Variants in PCDHB11 observed in about 807,000 individuals in gnomAD.
The protein encoded by PCDHB11 is protocadherin beta 11.
For synonymous variants in PCDHB11, 522 were observed against 442.0 expected (o/e 1.18, Z -2.27); for missense variants, 1,151 against 1,003.4 (o/e 1.15, Z -1.99).
Position 141,202,000 on chromosome 5 carries a change from C to G in PCDHB11, c.2226C>G (p.Thr742=), listed in dbSNP as rs199864160. ...FPGHLVDVSG[T]GTLSQSYQYE... ...GGCATCTGGTGGACGTGAGCGGCAC[C>G]GGGACCCTTTCCCAGAGCTACCAGT... Residue 742 remains threonine, a synonymous_variant, in exon 1 of 1, where the codon ACC becomes ACG. Coordinates refer to ENST00000354757, the MANE Select transcript of PCDHB11 (RefSeq NM_018931.3). 1.2e-6 allele frequency: 2 copies of G among 1,614,136 alleles called. No homozygotes were observed. The highest frequency in any genetic ancestry group is 1.1e-5 in the South Asian group (1 of 91,086).
At position 141,203,714 on chromosome 5, in the gene PCDHB11, GAT is replaced by G. The variant is rs1491085802; in HGVS notation, c.*1547_*1548del. On this transcript the variant is annotated 3_prime_UTR_variant, in exon 1 of 1. Coordinates refer to ENST00000354757, the MANE Select transcript of PCDHB11 (RefSeq NM_018931.3). ...ATATATATATATAGAGAGAGAGAGA[GAT>G]CATGGCTTATAATCCAAACAAAATG... 2 of 151,896 alleles carry G rather than the reference GAT, an allele frequency of 1.3e-5. No individual in the cohort carries two copies. The highest frequency in any genetic ancestry group is 4.2e-4 in the South Asian group (2 of 4,818). The allele number at this position is 151,896 out of a possible 1,614,324, so 9.4% of individuals were successfully genotyped here.
Position 141,200,501 on chromosome 5 carries a change from G to C in PCDHB11, c.727G>C (p.Glu243Gln), listed in dbSNP as rs1554285307. 6 of 1,614,146 alleles carry C rather than the reference G, an allele frequency of 3.7e-6. No individual in the cohort carries two copies. The East Asian group carries it at 1.3e-4, about 36-fold the overall frequency. The change falls in exon 1 of 1, where the codon GAG becomes CAG. Residue 243 changes from glutamate (E) to glutamine (Q), a missense_variant. Glu to Gln is a conservative substitution (Grantham distance 29, BLOSUM62 2). Coordinates refer to ENST00000354757, the MANE Select transcript of PCDHB11 (RefSeq NM_018931.3). ...CATTAATGACAACTCCCCTGAATTT[G>C]AGCAGGCTTTTTATGAGGTGAAGAT... is the stretch of plus-strand genomic sequence containing the variant. ...VDINDNSPEF[E>Q]QAFYEVKIRE...
In PCDHB11 at chr5:141,201,686, C is replaced by T. The variant is rs782180428; in HGVS notation, c.1912C>T (p.His638Tyr). Reference protein sequence around the residue: ...RLLSERDAAKHRLVVLVKDNG... With the variant: ...RLLSERDAAKYRLVVLVKDNG... ...GCTGAGCGAGCGCGACGCGGCCAAG[C>T]ACAGGCTGGTGGTGCTGGTCAAGGA... Residue 638 changes from histidine to tyrosine, a missense_variant, in exon 1 of 1, where the codon CAC becomes TAC. Transcript: ENST00000354757. The T allele has an allele frequency of 1.2e-6, 2 of 1,606,826 alleles. No individual in the cohort carries two copies. The highest frequency in any genetic ancestry group is 1.7e-6 in the Non-Finnish European group (2 of 1,179,564).
chr5:141,201,891 T>C lies in PCDHB11; in HGVS notation c.2117T>C (p.Leu706Pro). 1 of 1,612,814 alleles carries C rather than the reference T, an allele frequency of 6.2e-7. No homozygotes were observed. The highest frequency in any genetic ancestry group is 8.5e-7 in the Non-Finnish European group (1 of 1,179,896). The change falls in exon 1 of 1, where the codon CTC becomes CCC. Residue 706 changes from leucine (L) to proline (P), a missense_variant. Transcript: ENST00000354757. The stretch of plus-strand genomic sequence containing the variant: ...TCTTCGCTCTTCCTCTTCTCGGTGC[T>C]CCTGTTCGTGGCGGTGCGGCTGTGC... ...SVSSLFLFSV[L>P]LFVAVRLCRR...
In PCDHB11 at chr5:141,199,891, G is replaced by C; in HGVS notation, c.117G>C (p.Met39Ile). ...ETWSFSVAEEMQSGSFVGNLA... is the reference protein window; with the variant it reads ...ETWSFSVAEEIQSGSFVGNLA... ...GGAGCTTTTCTGTGGCAGAAGAAAT[G>C]CAGAGCGGGAGTTTTGTAGGCAATC... The change falls in exon 1 of 1, where the codon ATG (methionine) becomes ATC (isoleucine). Residue 39 changes from methionine (M) to isoleucine (I), a missense_variant. By Grantham distance (10) the Met-to-Ile change is conservative. Transcript: ENST00000354757. The C allele has an allele frequency of 6.2e-7, 1 of 1,614,170 alleles. No homozygotes were observed. The highest frequency in any genetic ancestry group is 8.5e-7 in the Non-Finnish European group (1 of 1,180,044).
In PCDHB11 at chr5:141,200,354, T is replaced by G. The variant is rs782552000; in HGVS notation, c.580T>G (p.Leu194Val). The G allele has an allele frequency of 6.2e-7, 1 of 1,614,134 alleles. No homozygotes were observed. The highest frequency in any genetic ancestry group is 8.5e-7 in the Non-Finnish European group (1 of 1,180,024). ...VIPDNRKYPELVLDKALDYEE... is the reference protein window; with the variant it reads ...VIPDNRKYPEVVLDKALDYEE... ...TCCAGACAATAGGAAATACCCCGAG[T>G]TAGTTCTGGACAAGGCGCTGGATTA... The change falls in exon 1 of 1, where the codon TTA (leucine) becomes GTA (valine). Residue 194 changes from leucine (L) to valine (V), a missense_variant. Physicochemically the swap from Leu to Val is conservative, Grantham distance 32. Transcript: ENST00000354757.
rs1176239937 is a variant in PCDHB11 at position 141,200,351 on chromosome 5, G to A, written c.577G>A (p.Glu193Lys). The A allele has an allele frequency of 2.5e-6, 4 of 1,614,124 alleles. No homozygotes were observed. The highest frequency in any genetic ancestry group is 2.2e-5 in the East Asian group (1 of 44,880). The part of the protein sequence containing the change: ...RVIPDNRKYP[E>K]LVLDKALDYE... ...CATTCCAGACAATAGGAAATACCCC[G>A]AGTTAGTTCTGGACAAGGCGCTGGA... Residue 193 changes from glutamate (E) to lysine (K), a missense_variant, in exon 1 of 1, where the codon GAG becomes AAG. Physicochemically the swap from Glu to Lys is moderately conservative, Grantham distance 56. Transcript: ENST00000354757.
chr5:141,200,400 G>A lies in PCDHB11; in HGVS notation c.626G>A (p.Ser209Asn), dbSNP rs782816217. 1 of 1,614,190 alleles carries A rather than the reference G, an allele frequency of 6.2e-7. No individual in the cohort carries two copies. The highest frequency in any genetic ancestry group is 2.2e-5 in the East Asian group (1 of 44,880). Residue 209 changes from serine to asparagine, a missense_variant, in exon 1 of 1, where the codon AGT becomes AAT. Coordinates refer to ENST00000354757, the MANE Select transcript of PCDHB11 (RefSeq NM_018931.3). ...ALDYEELPEL[S>N]FILSALDGGS... ...GATTATGAAGAGCTCCCGGAGCTCA[G>A]TTTCATCCTCTCTGCTCTGGATGGT...
rs782328529 is a variant in PCDHB11, at chr5:141,202,150, C to A, written c.2376C>A (p.Ser792Arg). ...NSEENSTFRN[S>R]FGFNF ...AAGAAAACTCCACCTTTCGAAATAG[C>A]TTTGGATTTAATTTTTAGTAAGAAT... The change falls in exon 1 of 1, where the codon AGC becomes AGA. Residue 792 changes from serine (S) to arginine (R), a missense_variant. Ser to Arg is a moderately radical substitution (Grantham distance 110). Coordinates refer to ENST00000354757, the MANE Select transcript of PCDHB11 (RefSeq NM_018931.3). 1.7e-5 allele frequency: 27 copies of A among 1,602,344 alleles called. No individual in the cohort carries two copies. The highest frequency in any genetic ancestry group is 2.2e-5 in the Non-Finnish European group (26 of 1,174,254).
In PCDHB11 at chr5:141,200,070, T is replaced by C. The variant is rs1554285206; in HGVS notation, c.296T>C (p.Ile99Thr). The C allele has an allele frequency of 1.2e-6, 2 of 1,614,172 alleles. No individual in the cohort carries two copies. The highest frequency in any genetic ancestry group is 1.7e-6 in the Non-Finnish European group (2 of 1,180,048). ...TLDREELCGS[I>T]EPCVLHLQVL... ...GACAGGGAGGAGCTCTGCGGTTCCA[T>C]CGAGCCTTGCGTGCTACATTTGCAG... is the stretch of plus-strand genomic sequence containing the variant. Residue 99 changes from isoleucine to threonine, a missense_variant, in exon 1 of 1, where the codon ATC becomes ACC. Ile to Thr is a moderately conservative substitution (Grantham distance 89). Coordinates refer to ENST00000354757, the MANE Select transcript of PCDHB11 (RefSeq NM_018931.3).
At position 141,201,757 on chromosome 5, in the gene PCDHB11, C is replaced by T. The variant is rs782266124; in HGVS notation, c.1983C>T (p.Leu661=). The T allele has an allele frequency of 2.5e-6, 4 of 1,609,268 alleles. No individual in the cohort carries two copies. Among genetic ancestry groups the T allele is most frequent in the Admixed American group, 3.3e-5 (2 of 60,008 alleles). ...CGGCCACCGCCACGCTGCAAGTGCT[C>T]CTGGTGGACGGCTTCTCCCAGCCCT... ...PRSATATLQV[L]LVDGFSQPYL... is the part of the protein sequence containing the mutation. The change falls in exon 1 of 1, where the codon CTC becomes CTT. Residue 661 remains leucine (L), a synonymous_variant. Transcript: ENST00000354757.
rs376452225 is a variant in PCDHB11, at chr5:141,199,994, C to A, written c.220C>A (p.Arg74Ser). 1.9e-6 allele frequency: 3 copies of A among 1,614,146 alleles called. No individual in the cohort carries two copies. The highest frequency in any genetic ancestry group is 1.1e-5 in the South Asian group (1 of 91,076). Residue 74 changes from arginine (R) to serine (S), a missense_variant, in exon 1 of 1, where the codon CGT becomes AGT. Physicochemically the swap from Arg to Ser is moderately radical, Grantham distance 110. Coordinates refer to ENST00000354757, the MANE Select transcript of PCDHB11 (RefSeq NM_018931.3). ...ARVVSNDKKQ[R>S]LQLDINTGDL... ...GGTGGTCTCTAATGATAAGAAACAG[C>A]GTTTGCAGCTGGACATAAACACTGG...
At position 141,201,241 on chromosome 5, in the gene PCDHB11, G is replaced by T; in HGVS notation, c.1467G>T (p.Ser489=). The T allele has an allele frequency of 6.2e-7, 1 of 1,613,212 alleles. No homozygotes were observed. The highest frequency in any genetic ancestry group is 8.5e-7 in the Non-Finnish European group (1 of 1,180,032). ...GCACCAACGCCCAGGTCAACTACTC[G>T]CTACTCCCGCCCCAGGACCTGCACC... ...DSGTNAQVNY[S]LLPPQDLHLP... Residue 489 remains serine (S), a synonymous_variant, in exon 1 of 1, where the codon TCG becomes TCT. Coordinates refer to ENST00000354757, the MANE Select transcript of PCDHB11 (RefSeq NM_018931.3).
chr5:141,201,416 C>T lies in PCDHB11; in HGVS notation c.1642C>T (p.Arg548Cys), dbSNP rs1430359532. 2.5e-6 allele frequency: 4 copies of T among 1,611,610 alleles called. No individual in the cohort carries two copies. The highest frequency in any genetic ancestry group is 2.5e-6 in the Non-Finnish European group (3 of 1,179,674). ...GGCTTTGAGCAGCGAGGCGCTGGTG[C>T]GCGTGCTGGTGCTGGACGCCAACGA... Reference protein sequence around the residue: ...SPALSSEALVRVLVLDANDNS... With the variant: ...SPALSSEALVCVLVLDANDNS... Residue 548 changes from arginine (R) to cysteine (C), a missense_variant, in exon 1 of 1, where the codon CGC becomes TGC. Physicochemically the swap from Arg to Cys is radical, Grantham distance 180. Coordinates refer to ENST00000354757, the MANE Select transcript of PCDHB11 (RefSeq NM_018931.3).
In PCDHB11 at chr5:141,203,679, T is replaced by G. The variant is rs953776481; in HGVS notation, c.*1511T>G. 8.3e-4 allele frequency: 123 copies of G among 147,400 alleles called. No homozygotes were observed. The highest frequency in any genetic ancestry group is 2.8e-3 in the African/African-American group (115 of 41,200). 9.1% of individuals were successfully genotyped at this position (147,400 alleles called of 1,614,324 possible). A position where few individuals can be genotyped will look rare whatever the true frequency, so the allele number is the denominator to read the frequency against. ...TACTTGGCTAATATTTTTAATGCTT[T>G]TGTGTGTGTATATATATATATAGAG... On this transcript the variant is annotated 3_prime_UTR_variant, in exon 1 of 1. Transcript: ENST00000354757.
rs592195 is a variant in PCDHB11, at chr5:141,202,582, C to A, written c.*414C>A. 68,126 of 153,946 alleles carry A rather than the reference C, an allele frequency of 0.44. 15,285 individuals are homozygous for A. Among genetic ancestry groups the A allele is most frequent in the East Asian group, 0.55 (2,881 of 5,208 alleles). 9.5% of individuals were successfully genotyped at this position (153,946 alleles called of 1,614,324 possible). Reference sequence around the variant, plus strand: ...CGGCCTCCCAAAGTGCTGTGATTACCGGTGTGAGCCACTGCGCCCGGCCTT... The same window carrying A: ...CGGCCTCCCAAAGTGCTGTGATTACAGGTGTGAGCCACTGCGCCCGGCCTT... On this transcript the variant is annotated 3_prime_UTR_variant, in exon 1 of 1. Coordinates refer to ENST00000354757, the MANE Select transcript of PCDHB11 (RefSeq NM_018931.3).
Position 141,201,610 on chromosome 5 carries a change from C to T in PCDHB11, c.1836C>T (p.Pro612=), listed in dbSNP as rs569396190. Residue 612 remains proline, a synonymous_variant, in exon 1 of 1, where the codon CCC becomes CCT. Coordinates refer to ENST00000354757, the MANE Select transcript of PCDHB11 (RefSeq NM_018931.3). ...ACCAGCTGCTCAAGGCCACGGAGCCCGGGCTATTCGGCGTGTGGGCGCACA... is the reference window on the plus strand; with the variant it reads ...ACCAGCTGCTCAAGGCCACGGAGCCTGGGCTATTCGGCGTGTGGGCGCACA... ...LSYQLLKATE[P]GLFGVWAHNG... is the part of the protein sequence containing the mutation. 6 of 1,608,104 alleles carry T rather than the reference C, an allele frequency of 3.7e-6. No individual in the cohort carries two copies. The East Asian group carries it at 1.1e-4, about 30-fold the overall frequency.
At position 141,199,731 on chromosome 5, in the gene PCDHB11, G is replaced by C; in HGVS notation, c.-44G>C. 2 of 1,554,670 alleles carry C rather than the reference G, an allele frequency of 1.3e-6. No homozygotes were observed. Among genetic ancestry groups the C allele is most frequent in the South Asian group, 1.2e-5 (1 of 85,492 alleles). The stretch of plus-strand genomic sequence containing the variant: ...GGTGGACAAGTCAGAGACGCGTTCC[G>C]CAGAGCTGAAGCCTTTCTTCAAGAA... On this transcript the variant is annotated 5_prime_UTR_variant, in exon 1 of 1. Coordinates refer to ENST00000354757, the MANE Select transcript of PCDHB11 (RefSeq NM_018931.3).
At position 141,199,937 on chromosome 5, in the gene PCDHB11, A is replaced by C; in HGVS notation, c.163A>C (p.Lys55Gln). ...VGNLAKDLGL[K>Q]VRELSSRGAR... ...CAATCTGGCAAAGGACCTGGGGCTG[A>C]AGGTGAGAGAACTGTCCTCACGGGG... Residue 55 changes from lysine (K) to glutamine (Q), a missense_variant, in exon 1 of 1, where the codon AAG becomes CAG. Coordinates refer to ENST00000354757, the MANE Select transcript of PCDHB11 (RefSeq NM_018931.3). 2 of 1,614,128 alleles carry C rather than the reference A, an allele frequency of 1.2e-6. No homozygotes were observed. The highest frequency in any genetic ancestry group is 2.2e-5 in the East Asian group (1 of 44,878).
Sources: gnomAD v4.1 joint callset for allele counts on GRCh38, gnomAD v4.1.1 for gene constraint, MANE v1.5 for transcripts, NCBI Gene and HGNC (gene_info 2026-07-23, HGNC 2026-07-21) for gene names.